MEIOB: variants seen among roughly 807,000 people sequenced by gnomAD.
MEIOB encodes meiosis-specific with OB domain-containing protein.
Under a neutral mutation model 53.1 loss-of-function variants are expected in MEIOB, and 50 were observed. The ratio of observed to expected loss-of-function variants is 0.94; its 90% CI spans 0.75 to 1.19. The LOEUF is 1.19. MEIOB is among the 50% of genes most tolerant of loss of function. The probability of loss-of-function intolerance (pLI) is 0.00; values close to 1 mark genes in which losing one functional copy is unlikely to be tolerated. For missense variants in MEIOB, 551 were observed against 550.8 expected, an observed-to-expected ratio of 1.00 and a Z score of 0.00; for synonymous variants, 192 against 182.5, an observed-to-expected ratio of 1.05 and a Z score of -0.42.
intron 10 of MEIOB, among the ~76,000 whole-genome samples, chr16:1,844,634 G>A (rs1898987151): frequency 6.6e-6 from 1 of 151,912 alleles, no homozygotes; most frequent in Admixed American, 6.6e-5. Context: ...GCTAATTTTT[G>A]TGTTTTTAGT....
Position 1,844,895 on chromosome 16 carries a change from C to T in MEIOB, c.847G>A (p.Glu283Lys), listed in dbSNP as rs769285815. Residue 283 changes from glutamate to lysine, a missense_variant, in exon 10 of 14, where the codon GAA becomes AAA. Physicochemically the swap from Glu to Lys is moderately conservative, Grantham distance 56. Transcript: ENST00000325962. ...GATTCTTTGAAATAACTGTCAATTT[C>T]ATCATCCAGAACATTCGTTTCTTTA... The part of the protein sequence containing the change: ...ENKETNVLDD[E>K]IDSYFKESIN... The T allele has an allele frequency of 2.6e-6, 4 of 1,558,998 alleles. No individual in the cohort carries two copies. The South Asian group carries it at 4.6e-5, about 18-fold the overall frequency.
chr16:1,852,886 C>G (rs1225939040), intron 9 of MEIOB, among the ~76,000 whole-genome samples, 153 bp downstream of exon 9: 1 of 152,172 alleles, frequency 6.6e-6, no homozygotes, highest in African/African-American at 2.4e-5. Context: ...TATCAAAGTT[C>G]ATTGTAAGTT....
intron 6 of MEIOB, 27 bp downstream of exon 6, chr16:1,857,708 C>G (rs1355062298): frequency 6.5e-7 from 1 of 1,543,748 alleles, no homozygotes; most frequent in Non-Finnish European, 8.8e-7. Context: ...CCAGATTGCA[C>G]TTGGCTTTGT....
chr16:1,865,759 G>A lies in MEIOB; in HGVS notation c.127+19C>T. 1 of 1,532,648 alleles carries A rather than the reference G, an allele frequency of 6.5e-7. No homozygotes were observed. Among genetic ancestry groups the A allele is most frequent in the Non-Finnish European group, 8.8e-7 (1 of 1,135,298 alleles). The allele number at this position is 1,532,648 out of a possible 1,614,324, so 94.9% of individuals were successfully genotyped here. A position where few individuals can be genotyped will look rare whatever the true frequency, so the allele number is the denominator to read the frequency against. Reference sequence around the variant, plus strand: ...CAAAGTTGATGAAAAATGAAACCAAGAGTTAAACAGAACTCAGCTTTTTCT... The same window carrying A: ...CAAAGTTGATGAAAAATGAAACCAAAAGTTAAACAGAACTCAGCTTTTTCT... On this transcript the variant is annotated intron_variant, in intron 3 of 13. Transcript: ENST00000325962.
chr16:1,852,424 G>C (rs980131177), intron 9 of MEIOB, among the ~76,000 whole-genome samples: 1 of 151,002 alleles, frequency 6.6e-6, no homozygotes, highest in Non-Finnish European at 1.5e-5. Context: ...TTTTACGCTC[G>C]GCTAATTTTT....
intron 12 of MEIOB, among the ~76,000 whole-genome samples, chr16:1,838,679 C>G (rs1337801654): frequency 1.3e-5 from 2 of 151,936 alleles, no homozygotes; most frequent in Admixed American, 1.3e-4. Flanking sequence ...CATCATGTTT[C>G]CTTAGTGTTT....
chr16:1,860,404 T>C lies in MEIOB; in HGVS notation c.331A>G (p.Ser111Gly). 2.0e-6 allele frequency: 3 copies of C among 1,512,016 alleles called. No homozygotes were observed. The African/African-American group carries it at 4.1e-5, about 21-fold the overall frequency. The allele number at this position is 1,512,016 out of a possible 1,614,324, so 93.7% of individuals were successfully genotyped here. Residue 111 changes from serine to glycine, a missense_variant and splice_region_variant, in exon 5 of 14, where the codon AGC becomes GGC. By Grantham distance (56) the Ser-to-Gly change is moderately conservative. Transcript: ENST00000325962. ...TCTCTGTGCTAGACAGATGCTTACC[T>C]AGGAGTTGCAGGGCTGAATTTTTCT... ...REEKFSPATPSNCKLLLSENH... is the reference protein window; with the variant it reads ...REEKFSPATPGNCKLLLSENH...
chr16:1,837,701 G>GA (rs1898786961), intron 13 of MEIOB, 83 bp downstream of exon 13: 7 of 709,172 alleles, frequency 9.9e-6, no homozygotes, highest in Non-Finnish European at 1.3e-5. Flanking sequence ...ATAAATTCTC[G>GA]AATTTATCTA....
chr16:1,861,758 C>T (rs1203751729), intron 4 of MEIOB, among the ~76,000 whole-genome samples: 1 of 152,050 alleles, frequency 6.6e-6, no homozygotes, highest in African/African-American at 2.4e-5. Flanking sequence ...TGGTCTCGAA[C>T]TCCTGAACTC....
At chr16:1,865,858 A>G in intron 2 of MEIOB, 23 bp from the exon 3 acceptor site, 1 of 1,509,408 alleles carries the variant, frequency 6.6e-7, no homozygotes. Flanking sequence ...AAGGTCACAG[A>G]AGACCAATAT....
chr16:1,869,327 G>A (rs899504563), intron 1 of MEIOB, among the ~76,000 whole-genome samples: 2 of 151,678 alleles, frequency 1.3e-5, no homozygotes, highest in East Asian at 1.9e-4. Flanking sequence ...GTTTCACCAT[G>A]TTGGCCAGGC....
chr16:1,860,919 G>A (rs1282399025), intron 4 of MEIOB, among the ~76,000 whole-genome samples: 1 of 152,034 alleles, frequency 6.6e-6, no homozygotes, highest in Non-Finnish European at 1.5e-5. Context: ...TTCATTACCT[G>A]CATTACTCTT....
rs1188508925 is a variant in MEIOB, at chr16:1,872,114, C to G, written c.-131G>C. 1 of 151,900 alleles carries G rather than the reference C, an allele frequency of 6.6e-6. No individual in the cohort carries two copies. The highest frequency in any genetic ancestry group is 1.5e-5 in the Non-Finnish European group (1 of 68,012). The allele number at this position is 151,900 out of a possible 1,614,324, so 9.4% of individuals were successfully genotyped here. ...GCGGCTTCTCCACAGGACGCTCGGG[C>G]CACAGCCTCGTGCAGGTGCGACGGC... On this transcript the variant is annotated 5_prime_UTR_variant, in exon 1 of 14. Coordinates refer to ENST00000325962, the MANE Select transcript of MEIOB (RefSeq NM_001163560.3).
chr16:1,838,404 G>A (rs1347838670), intron 12 of MEIOB, among the ~76,000 whole-genome samples: 1 of 152,136 alleles, frequency 6.6e-6, no homozygotes, highest in Non-Finnish European at 1.5e-5. Context: ...TCAATAAAGT[G>A]GAAGCAGAAT....
Position 1,853,257 on chromosome 16 carries a change from G to GGACTCTGTCTCAGTAAAAAATAA in MEIOB, c.643_644insTTATTTTTTACTGAGACAGAGTC (p.Ser215PhefsTer5). ...CATCCAGCTCTGTGCAAGTAGAATG[G>GGACTCTGTCTCAGTAAAAAATAA]ATTCATTATCCCAACTGCATTTGTT... On this transcript the variant is annotated stop_gained and frameshift_variant, in exon 8 of 14. Transcript: ENST00000325962. LOFTEE classifies it high-confidence loss of function. 6.5e-7 allele frequency: 1 copy of GGACTCTGTCTCAGTAAAAAATAA among 1,549,916 alleles called. No homozygotes were observed. Among genetic ancestry groups the GGACTCTGTCTCAGTAAAAAATAA allele is most frequent in the Non-Finnish European group, 8.7e-7 (1 of 1,145,020 alleles).
At position 1,854,186 on chromosome 16, in the gene MEIOB, T is replaced by C; in HGVS notation, c.543A>G (p.Lys181=). ...LAAVKSVGEP[K]YFTTSDRRKG... ...TTCTCCGGTCTGAAGTTGTAAAGTATTTTGGCTCTCCAACCTTAGAAATGG... is the reference window on the plus strand; with the variant it reads ...TTCTCCGGTCTGAAGTTGTAAAGTACTTTGGCTCTCCAACCTTAGAAATGG... The change falls in exon 7 of 14, where the codon AAA becomes AAG. Residue 181 remains lysine, a synonymous_variant. Transcript: ENST00000325962. 2 of 1,545,086 alleles carry C rather than the reference T, an allele frequency of 1.3e-6. No homozygotes were observed. The highest frequency in any genetic ancestry group is 1.4e-5 in the African/African-American group (1 of 73,066).
Position 1,838,199 on chromosome 16 carries a change from T to C in MEIOB, c.1219-329A>G, listed in dbSNP as rs1167158685. 7 of 461,944 alleles carry C rather than the reference T, an allele frequency of 1.5e-5. No homozygotes were observed. The East Asian group carries it at 2.2e-4, about 15-fold the overall frequency. 28.6% of individuals were successfully genotyped at this position (461,944 alleles called of 1,614,324 possible). On this transcript the variant is annotated intron_variant, in intron 12 of 13. Transcript: ENST00000325962. ...ATGTTTTGTAGAGACAGGGTCTCAC[T>C]ATGTTGCCCAGGGTGATCTTGAACT... is the stretch of plus-strand genomic sequence containing the variant.
intron 1 of MEIOB, among the ~76,000 whole-genome samples, chr16:1,868,881 A>AAATAT (rs1386626273): frequency 6.6e-6 from 1 of 152,002 alleles, no homozygotes; most frequent in Non-Finnish European, 1.5e-5. Context: ...AAATAAAATA[A>AAATAT]AATATTATTT....
chr16:1,845,939 G>A (rs910865262), intron 9 of MEIOB, among the ~76,000 whole-genome samples: 11 of 152,154 alleles, frequency 7.2e-5, no homozygotes, highest in Non-Finnish European at 1.5e-4. Context: ...CCCCTGGGAA[G>A]ATCTGGGCAT....
Sources: gnomAD v4.1 joint callset for allele counts (sites outside exome capture counted in the v4.1 genomes callset) on GRCh38, gnomAD v4.1.1 for gene constraint, MANE v1.5 for transcripts, NCBI Gene and HGNC (gene_info 2026-07-23, HGNC 2026-07-21) for gene names.